Variants in TOP1 observed in about 807,000 individuals in gnomAD.
TOP1 encodes the protein DNA topoisomerase I.
TOP1 carries 10 observed loss-of-function variants against 111.1 expected under a neutral mutation model. That is an observed-to-expected ratio of 0.09 (90% CI 0.06 to 0.15). The LOEUF (loss-of-function observed/expected upper bound fraction) is 0.15. Ranked by LOEUF, TOP1 falls within the 10% of genes least tolerant of loss-of-function variation. The probability of loss-of-function intolerance (pLI) is 1.00; values close to 1 mark genes in which losing one functional copy is unlikely to be tolerated. For missense variants in TOP1, 474 were observed against 926.7 expected (o/e 0.51, Z 6.34); for synonymous variants, 271 against 302.9 (o/e 0.89, Z 1.10).
At chr20:41,117,437 G>C (rs1384068317) in intron 17 of TOP1, among the ~76,000 whole-genome samples, 1 of 135,134 alleles carries the variant, frequency 7.4e-6, no homozygotes, top group Non-Finnish European at 1.5e-5. Flanking sequence ...CCAGGTTGGA[G>C]TGCAGTGGCG....
At position 41,029,159 on chromosome 20, in the gene TOP1, C is replaced by T. The variant is rs1408849299; in HGVS notation, c.33+59C>T. The T allele has an allele frequency of 2.3e-6, 3 of 1,322,212 alleles. No individual in the cohort carries two copies. Among genetic ancestry groups the T allele is most frequent in the Non-Finnish European group, 2.0e-6 (2 of 1,006,770 alleles). 81.9% of individuals were successfully genotyped at this position (1,322,212 alleles called of 1,614,324 possible). A position where few individuals can be genotyped will look rare whatever the true frequency, so the allele number is the denominator to read the frequency against. On this transcript the variant is annotated intron_variant, in intron 1 of 20. Coordinates refer to ENST00000361337, the MANE Select transcript of TOP1 (RefSeq NM_003286.4). The surrounding 1 kb of genome is among the most constrained non-coding windows in gnomAD (Gnocchi z 6.1). ...CCCGGCCTGGCCGTCCCGCGACCCC[C>T]GGCGCAGGCCCCGACCCCAGCCCCG... is the stretch of plus-strand genomic sequence containing the variant.
rs771343637 is a variant in TOP1 at position 41,071,954 on chromosome 20, TG to T, written c.156-4216del. Among the ~76,000 whole-genome samples the T allele has an allele frequency of 5.0e-4, 76 of 152,376 alleles. No homozygotes were observed. Among genetic ancestry groups the T allele is most frequent in the Non-Finnish European group, 9.1e-4 (62 of 68,038 alleles). Reference sequence around the variant, plus strand: ...CTAGGACTGCTACTGTCTGTATTTTTGTCCTTCAGCATATCCCAGACTAAAC... The same window carrying T: ...CTAGGACTGCTACTGTCTGTATTTTTTCCTTCAGCATATCCCAGACTAAAC... On this transcript the variant is annotated intron_variant, in intron 3 of 20. Coordinates refer to ENST00000361337, the MANE Select transcript of TOP1 (RefSeq NM_003286.4). The surrounding 1 kb of genome is among the most constrained non-coding windows in gnomAD (Gnocchi z 4.3).
chr20:41,070,973 C>T (rs1045022869), intron 3 of TOP1, among the ~76,000 whole-genome samples: 2 of 152,142 alleles, frequency 1.3e-5, no homozygotes, highest in East Asian at 3.8e-4. Context: ...GTTTTGTTAC[C>T]GATATCAAAT....
At chr20:41,065,467 T>C (rs969426886) in intron 3 of TOP1, among the ~76,000 whole-genome samples, 1 of 152,222 alleles carries the variant, frequency 6.6e-6, no homozygotes, top group African/African-American at 2.4e-5. Context: ...ACATTGACAA[T>C]AGTATGCAAC....
chr20:41,064,501 G>C (rs1270720077), intron 3 of TOP1, among the ~76,000 whole-genome samples: 2 of 152,068 alleles, frequency 1.3e-5, no homozygotes, highest in Admixed American at 1.3e-4. Flanking sequence ...GTTTTTGGCT[G>C]TCTTTTCTCT....
At chr20:41,117,378 T>TG (rs1377773331) in intron 17 of TOP1, among the ~76,000 whole-genome samples, 6 of 134,524 alleles carry the variant, frequency 4.5e-5, no homozygotes, top group African/African-American at 1.2e-4. Context: ...AACTGTGGCT[T>TG]AATTTTTTTT....
chr20:41,096,121 C>T (rs2033978472), intron 9 of TOP1, among the ~76,000 whole-genome samples: 1 of 151,114 alleles, frequency 6.6e-6, no homozygotes, highest in African/African-American at 2.5e-5. Context: ...GGCTGAAGTG[C>T]AGTGGCGTGA....
chr20:41,037,157 C>T (rs2033199690), intron 2 of TOP1, among the ~76,000 whole-genome samples: 1 of 152,092 alleles, frequency 6.6e-6, no homozygotes, highest in Admixed American at 6.5e-5. Context: ...AGAATGTTTA[C>T]AGCAAAGTGG....
intron 3 of TOP1, among the ~76,000 whole-genome samples, chr20:41,063,911 T>G (rs1429005568): frequency 6.6e-6 from 1 of 152,232 alleles, no homozygotes; most frequent in African/African-American, 2.4e-5. Context: ...GTTGATAGTT[T>G]AATTAGATCC....
chr20:41,050,081 G>A lies in TOP1; in HGVS notation c.59-11313G>A, dbSNP rs542715006. Among the ~76,000 whole-genome samples, 7 of 152,304 alleles carry A rather than the reference G, an allele frequency of 4.6e-5. No homozygotes were observed. In the South Asian group the frequency reaches 6.2e-4, roughly 14 times the overall value. The stretch of plus-strand genomic sequence containing the variant: ...TGCTTAGGCTGGAGTGCAATGGCAC[G>A]ATCTTGGCTCACTGCAACCTCCGCC... On this transcript the variant is annotated intron_variant, in intron 2 of 20. Coordinates refer to ENST00000361337, the MANE Select transcript of TOP1 (RefSeq NM_003286.4).
In TOP1 at chr20:41,082,153, A is replaced by G. The variant is rs527829739; in HGVS notation, c.507+913A>G. On this transcript the variant is annotated intron_variant, in intron 7 of 20. Coordinates refer to ENST00000361337, the MANE Select transcript of TOP1 (RefSeq NM_003286.4). The surrounding 1 kb of genome is among the most constrained non-coding windows in gnomAD (Gnocchi z 4.1). Reference sequence around the variant, plus strand: ...GCTACATTTGAGGTTAGCCACTGTCATGGGCAAAATGGGATCACAAATGTA... The same window carrying G: ...GCTACATTTGAGGTTAGCCACTGTCGTGGGCAAAATGGGATCACAAATGTA... Among the ~76,000 whole-genome samples, 2 of 152,308 alleles carry G rather than the reference A, an allele frequency of 1.3e-5. No individual in the cohort carries two copies. Among genetic ancestry groups the G allele is most frequent in the Non-Finnish European group, 2.9e-5 (2 of 68,012 alleles).
chr20:41,100,015 C>A lies in TOP1; in HGVS notation c.976-41C>A. The stretch of plus-strand genomic sequence containing the variant: ...GATAAAATGCATTAGTAGAGAACAG[C>A]AATCTGAATCTATTTTGAGTACTTT... On this transcript the variant is annotated intron_variant, in intron 11 of 20. Transcript: ENST00000361337. This position sits in a 1 kb window ranked among gnomAD's most constrained non-coding sequence, Gnocchi z 4.4. 1 of 1,448,472 alleles carries A rather than the reference C, an allele frequency of 6.9e-7. No homozygotes were observed. The highest frequency in any genetic ancestry group is 9.6e-7 in the Non-Finnish European group (1 of 1,044,492). The allele number at this position is 1,448,472 out of a possible 1,614,324, so 89.7% of individuals were successfully genotyped here. A position where few individuals can be genotyped will look rare whatever the true frequency, so the allele number is the denominator to read the frequency against.
In TOP1 at chr20:41,095,601, C is replaced by CT. The variant is rs2033972010; in HGVS notation, c.731-1616dup. ...AAGTTAATGGCGTCCAAAGTGGGTT[C>CT]TTTCTATTATAACTGTTTCAATATT... On this transcript the variant is annotated intron_variant, in intron 9 of 20. Coordinates refer to ENST00000361337, the MANE Select transcript of TOP1 (RefSeq NM_003286.4). The surrounding 1 kb of genome is among the most constrained non-coding windows in gnomAD (Gnocchi z 4.6). Among the ~76,000 whole-genome samples, 1 of 152,160 alleles carries CT rather than the reference C, an allele frequency of 6.6e-6. No individual in the cohort carries two copies. Among genetic ancestry groups the CT allele is most frequent in the Non-Finnish European group, 1.5e-5 (1 of 68,036 alleles).
intron 2 of TOP1, among the ~76,000 whole-genome samples, chr20:41,053,737 T>C (rs2033434047): frequency 6.6e-6 from 1 of 152,244 alleles, no homozygotes; most frequent in African/African-American, 2.4e-5. Context: ...AAACATTTTT[T>C]CTTAACCCTT....
At position 41,100,009 on chromosome 20, in the gene TOP1, G is replaced by C. The variant is rs2145951646; in HGVS notation, c.976-47G>C. 1 of 1,411,386 alleles carries C rather than the reference G, an allele frequency of 7.1e-7. No homozygotes were observed. The highest frequency in any genetic ancestry group is 9.9e-7 in the Non-Finnish European group (1 of 1,015,044). The allele number at this position is 1,411,386 out of a possible 1,614,324, so 87.4% of individuals were successfully genotyped here. ...ACAAGAGATAAAATGCATTAGTAGA[G>C]AACAGCAATCTGAATCTATTTTGAG... is the stretch of plus-strand genomic sequence containing the variant. On this transcript the variant is annotated intron_variant, in intron 11 of 20. Coordinates refer to ENST00000361337, the MANE Select transcript of TOP1 (RefSeq NM_003286.4). This position sits in a 1 kb window ranked among gnomAD's most constrained non-coding sequence, Gnocchi z 4.4.
At chr20:41,060,475 A>G (rs1483995151) in intron 2 of TOP1, among the ~76,000 whole-genome samples, 1 of 152,260 alleles carries the variant, frequency 6.6e-6, no homozygotes, top group Non-Finnish European at 1.5e-5. Flanking sequence ...CAGCACGATC[A>G]GATCAGTGCT....
chr20:41,120,297 A>G (rs1443838976), intron 18 of TOP1, among the ~76,000 whole-genome samples: 1 of 152,252 alleles, frequency 6.6e-6, no homozygotes, highest in African/African-American at 2.4e-5. Flanking sequence ...TAAGCCATTC[A>G]TAGTAAAACA....
chr20:41,068,856 T>A (rs1369004756), intron 3 of TOP1, among the ~76,000 whole-genome samples: 1 of 152,194 alleles, frequency 6.6e-6, no homozygotes, highest in East Asian at 1.9e-4. Flanking sequence ...AGAATATTAT[T>A]AAAAGCAATT....
At chr20:41,090,296 CT>C (rs1380975616) in intron 8 of TOP1, among the ~76,000 whole-genome samples, 4 of 151,916 alleles carry the variant, frequency 2.6e-5, no homozygotes, top group Non-Finnish European at 2.9e-5. Context: ...TTAATTTTAT[CT>C]TTTTTTTCCC....
Sources: allele counts gnomAD v4.1 joint callset (sites outside exome capture counted in the v4.1 genomes callset), GRCh38; gene constraint gnomAD v4.1.1; non-coding constraint Gnocchi (gnomAD v3.1); transcripts MANE v1.5; gene names NCBI Gene and HGNC (gene_info 2026-07-23, HGNC 2026-07-21).